The following CLIC5 variants were observed in gnomAD, a reference collection of about 807,000 sequenced individuals.
The protein encoded by CLIC5 is CLIC family member 5, also known as chloride intracellular channel protein 5.
CLIC5 carries 20 observed loss-of-function variants against 24.7 expected under a neutral mutation model. The observed-to-expected ratio is 0.81, with a 90% CI of 0.57 to 1.18. The LOEUF (loss-of-function observed/expected upper bound fraction) is 1.18. CLIC5 is among the 50% of genes most tolerant of loss of function. CLIC5 has a pLI of 0.00. For synonymous variants in CLIC5, 159 were observed against 135.6 expected (o/e 1.17, Z -1.20); for missense variants, 341 against 326.1 (o/e 1.05, Z -0.35).
At chr6:46,011,250 C>T (rs191542054) in intron 1 of CLIC5, among the ~76,000 whole-genome samples, 2 of 152,328 alleles carry the variant, frequency 1.3e-5, no homozygotes, top group African/African-American at 4.8e-5. Context: ...TGATTGGATG[C>T]AAGCTTTCTA....
the CLIC5 span, among the ~76,000 whole-genome samples, chr6:46,118,335 T>C: frequency 6.6e-6 from 1 of 152,210 alleles, no homozygotes; most frequent in Non-Finnish European, 1.5e-5. Context: ...ACAGGGCTCC[T>C]ACATGGTAAT....
At chr6:46,031,849 A>G (rs993666987) in intron 1 of CLIC5, among the ~76,000 whole-genome samples, 3 of 149,226 alleles carry the variant, frequency 2.0e-5, no homozygotes, top group Non-Finnish European at 4.4e-5. Context: ...CATCTTTGTA[A>G]AATATATATA....
the CLIC5 span, among the ~76,000 whole-genome samples, chr6:46,087,688 C>T: frequency 6.6e-6 from 1 of 152,132 alleles, no homozygotes; most frequent in African/African-American, 2.4e-5. Flanking sequence ...TCTAGAACCT[C>T]CAGTATAGAA....
intron 1 of CLIC5, among the ~76,000 whole-genome samples, chr6:46,012,303 GC>G (rs781448877): frequency 2.0e-5 from 3 of 152,328 alleles, no homozygotes; most frequent in Non-Finnish European, 4.4e-5. Context: ...AGAGGCAGAG[GC>G]AAGACTTGAA....
At chr6:46,056,723 T>C (rs1043964699) in intron 1 of CLIC5, among the ~76,000 whole-genome samples, 5 of 152,172 alleles carry the variant, frequency 3.3e-5, no homozygotes, top group African/African-American at 4.8e-5. Context: ...GAAAGCCTTA[T>C]TGGGGGACTC....
chr6:46,072,412 A>T (rs1400196356), intron 1 of CLIC5, among the ~76,000 whole-genome samples: 1 of 152,002 alleles, frequency 6.6e-6, no homozygotes, highest in East Asian at 1.9e-4. Flanking sequence ...CAGAGGTGAA[A>T]TCGATTGCAC....
intron 1 of CLIC5, among the ~76,000 whole-genome samples, chr6:45,964,135 T>C (rs894740012): frequency 1.3e-5 from 2 of 152,174 alleles, no homozygotes; most frequent in African/African-American, 2.4e-5. Context: ...TGCCTCCAAG[T>C]TTGGCTGTTT....
intron 4 of CLIC5, among the ~76,000 whole-genome samples, chr6:45,915,563 A>C (rs1387139615): frequency 6.6e-6 from 1 of 152,166 alleles, no homozygotes; most frequent in African/African-American, 2.4e-5. Flanking sequence ...GCTGTCTCAA[A>C]TGGAAGGGCT....
At chr6:46,056,290 T>A (rs1382790929) in intron 1 of CLIC5, among the ~76,000 whole-genome samples, 2 of 152,124 alleles carry the variant, frequency 1.3e-5, no homozygotes, top group South Asian at 2.1e-4. Flanking sequence ...GCTCCATACT[T>A]AGCCCTCTTG....
chr6:45,958,439 T>TATATATACACACACACACACACACAC (rs1350209541), intron 1 of CLIC5, among the ~76,000 whole-genome samples: 1 of 12,396 alleles, frequency 8.1e-5, no homozygotes, highest in Non-Finnish European at 1.9e-4. Context: ...TATATATATA[T>TATATATACACACACACACACACACAC]ATATATATAT....
intron 1 of CLIC5, among the ~76,000 whole-genome samples, chr6:45,992,849 A>G (rs1253775374): frequency 6.6e-6 from 1 of 152,064 alleles, no homozygotes; most frequent in East Asian, 1.9e-4. Flanking sequence ...CCCCATATGA[A>G]CCAATTTTAT....
intron 1 of CLIC5, among the ~76,000 whole-genome samples, chr6:45,969,732 T>A (rs551288706): frequency 3.2e-4 from 49 of 151,850 alleles, no homozygotes; most frequent in African/African-American, 1.1e-3. Flanking sequence ...AGTAAACTGC[T>A]GAAGACAGAG....
the CLIC5 span, among the ~76,000 whole-genome samples, chr6:46,117,278 T>C: frequency 2.0e-5 from 3 of 152,114 alleles, no homozygotes; most frequent in Non-Finnish European, 2.9e-5. Flanking sequence ...TGCCTGATCA[T>C]GAGACACCCA....
chr6:45,928,045 C>T (rs535251997), intron 4 of CLIC5, among the ~76,000 whole-genome samples: 2 of 152,240 alleles, frequency 1.3e-5, no homozygotes, highest in East Asian at 1.9e-4. Flanking sequence ...GAGGCTACTC[C>T]GGCTCAGCCT....
chr6:46,079,011 G>A (rs1581925557), intron 1 of CLIC5, among the ~76,000 whole-genome samples: 1 of 152,020 alleles, frequency 6.6e-6, no homozygotes, highest in Non-Finnish European at 1.5e-5. Context: ...GAGATGTTGG[G>A]GAAAAAGGGC....
chr6:46,039,498 T>C (rs1767749044), intron 1 of CLIC5, among the ~76,000 whole-genome samples: 2 of 152,022 alleles, frequency 1.3e-5, no homozygotes, highest in East Asian at 3.8e-4. Flanking sequence ...TTATATATTA[T>C]AATAAATTTT....
chr6:45,959,518 T>TTTGTTG (rs151117400), intron 1 of CLIC5, among the ~76,000 whole-genome samples: 23 of 151,560 alleles, frequency 1.5e-4, no homozygotes, highest in African/African-American at 4.4e-4. Flanking sequence ...ATATGGGGCT[T>TTTGTTG]TTGTTGTTGT....
In CLIC5 at chr6:45,982,924, G is replaced by T. The variant is rs576268590; in HGVS notation, c.64-27680C>A. ...ATTTGGAGTTTGTAAGAGCTGAAAA[G>T]AATAATGAGAAATCTAGAAATGGAA... On this transcript the variant is annotated intron_variant, in intron 1 of 5. Transcript: ENST00000339561. Among the ~76,000 whole-genome samples, 6 of 152,294 alleles carry T rather than the reference G, an allele frequency of 3.9e-5. No homozygotes were observed. In the East Asian group the frequency reaches 1.2e-3, roughly 29 times the overall value.
intron 5 of CLIC5, among the ~76,000 whole-genome samples, chr6:45,903,458 T>G (rs534322689): frequency 4.6e-5 from 7 of 152,330 alleles, no homozygotes; most frequent in Non-Finnish European, 7.4e-5. Context: ...TAAACATAAT[T>G]TGCCCTTTGA....
Sources: gnomAD v4.1 joint callset for allele counts (sites outside exome capture counted in the v4.1 genomes callset) on GRCh38, gnomAD v4.1.1 for gene constraint, MANE v1.5 for transcripts, NCBI Gene and HGNC (gene_info 2026-07-23, HGNC 2026-07-21) for gene names.